PARD3B: variants seen among roughly 807,000 people sequenced by gnomAD.
The protein encoded by PARD3B is par-3 family cell polarity regulator beta.
A neutral mutation model predicts 130.2 loss-of-function variants in PARD3B; 103 were observed. That is an observed-to-expected ratio of 0.79 (90% confidence interval 0.67 to 0.93). PARD3B has a LOEUF of 0.93. Ranked by LOEUF, PARD3B falls within the 40% of genes least tolerant of loss-of-function variation. The probability of loss-of-function intolerance (pLI) is 0.00; values close to 1 mark genes in which losing one functional copy is unlikely to be tolerated. For synonymous variants in PARD3B, 583 were observed against 553.2 expected, an observed-to-expected ratio of 1.05 and a Z score of -0.76; for missense variants, 1,609 against 1,499.2, an observed-to-expected ratio of 1.07 and a Z score of -1.21.
intron 1 of PARD3B, among the ~76,000 whole-genome samples, chr2:204,653,008 A>G (rs1027345670): frequency 6.6e-6 from 1 of 150,992 alleles, no homozygotes; most frequent in African/African-American, 2.5e-5. Context: ...CTCCCGACAC[A>G]TGGGGATTAC....
chr2:204,712,506 C>T (rs759683084), intron 2 of PARD3B, among the ~76,000 whole-genome samples: 13 of 149,920 alleles, frequency 8.7e-5, no homozygotes, highest in African/African-American at 1.7e-4. Context: ...CCCAGCTACT[C>T]GGGTAGCTGA....
chr2:205,217,753 TATATGTGTGTAG>T (rs1167955337), intron 15 of PARD3B, among the ~76,000 whole-genome samples: 7 of 150,098 alleles, frequency 4.7e-5, no homozygotes, highest in Admixed American at 1.3e-4. Context: ...TATGTGTGTA[TATATGTGTGTAG>T]ATAAGTATAT....
At position 204,965,820 on chromosome 2, in the gene PARD3B, G is replaced by C. The variant is rs1691192016; in HGVS notation, c.394+497G>C. ...ACAAGACAATTCATCCAGTAATTTT[G>C]CTTAGAAATATTTTTCATTATATTT... On this transcript the variant is annotated intron_variant, in intron 3 of 22. Coordinates refer to ENST00000406610, the MANE Select transcript of PARD3B (RefSeq NM_001302769.2). Among the ~76,000 whole-genome samples, 8 of 152,026 alleles carry C rather than the reference G, an allele frequency of 5.3e-5. No individual in the cohort carries two copies. The South Asian group carries it at 1.7e-3, about 32-fold the overall frequency.
intron 16 of PARD3B, among the ~76,000 whole-genome samples, chr2:205,250,627 T>C (rs1361739343): frequency 6.6e-6 from 1 of 152,112 alleles, no homozygotes; most frequent in Non-Finnish European, 1.5e-5. Context: ...GAAGCTCAGG[T>C]AATTTAAATA....
chr2:205,153,304 C>T (rs1246105973), intron 10 of PARD3B, among the ~76,000 whole-genome samples: 1 of 152,174 alleles, frequency 6.6e-6, no homozygotes, highest in Non-Finnish European at 1.5e-5. Flanking sequence ...AACCACTGCT[C>T]TCTTCATAGC....
Position 205,187,114 on chromosome 2 carries a change from A to AG in PARD3B, c.2024+1253dup, listed in dbSNP as rs1443704396. ...ATAGATAAAATGCTCTGAGCATCTG[A>AG]GGCAGAGGAGAATGCCTCCAGATAA... is the stretch of plus-strand genomic sequence containing the variant. On this transcript the variant is annotated intron_variant, in intron 14 of 22. Transcript: ENST00000406610. This position sits in a 1 kb window ranked among gnomAD's most constrained non-coding sequence, Gnocchi z 4.9. Among the ~76,000 whole-genome samples the AG allele has an allele frequency of 6.6e-6, 1 of 152,198 alleles. No homozygotes were observed. Among genetic ancestry groups the AG allele is most frequent in the African/African-American group, 2.4e-5 (1 of 41,452 alleles).
chr2:205,246,893 C>A (rs1157164606), intron 16 of PARD3B, among the ~76,000 whole-genome samples: 1 of 152,062 alleles, frequency 6.6e-6, no homozygotes, highest in Non-Finnish European at 1.5e-5. Context: ...AAAGAGATTT[C>A]TATGGGAGTG....
intron 11 of PARD3B, among the ~76,000 whole-genome samples, chr2:205,168,216 G>A (rs1432046193): frequency 2.0e-5 from 3 of 151,330 alleles, no homozygotes; most frequent in African/African-American, 7.3e-5. Context: ...GCCAGAAGCG[G>A]GGAACATAAT....
chr2:204,736,627 T>G (rs543686763), intron 2 of PARD3B, among the ~76,000 whole-genome samples: 1 of 152,326 alleles, frequency 6.6e-6, no homozygotes, highest in South Asian at 2.1e-4. Context: ...TTTTAATAGC[T>G]GAGTAGTATT....
At chr2:204,759,978 G>T (rs796500998) in intron 2 of PARD3B, among the ~76,000 whole-genome samples, 1 of 152,080 alleles carries the variant, frequency 6.6e-6, no homozygotes, top group Non-Finnish European at 1.5e-5. Flanking sequence ...TTACTGAATT[G>T]TAGGACATAA....
chr2:204,966,149 CTTAAAATG>C (rs1033797577), intron 3 of PARD3B, among the ~76,000 whole-genome samples: 3 of 152,132 alleles, frequency 2.0e-5, no homozygotes, highest in African/African-American at 7.2e-5. Flanking sequence ...AAAACATATG[CTTAAAATG>C]GTTAGAATCG....
At chr2:205,466,970 A>C (rs963015776) in intron 20 of PARD3B, among the ~76,000 whole-genome samples, 4 of 152,184 alleles carry the variant, frequency 2.6e-5, no homozygotes, top group East Asian at 1.9e-4. Context: ...ACCTTGGCCT[A>C]CCAAAGTGCT....
At chr2:204,747,264 G>T (rs1178319714) in intron 2 of PARD3B, among the ~76,000 whole-genome samples, 1 of 152,000 alleles carries the variant, frequency 6.6e-6, no homozygotes, top group Non-Finnish European at 1.5e-5. Context: ...TTTTTGTCAG[G>T]TTTGTCAAAG....
chr2:205,052,792 A>T (rs1699318796), intron 4 of PARD3B, among the ~76,000 whole-genome samples: 1 of 152,122 alleles, frequency 6.6e-6, no homozygotes, highest in Non-Finnish European at 1.5e-5. Flanking sequence ...GACACATAAT[A>T]TGTAAGTTCA....
At chr2:205,283,968 A>G (rs913536227) in intron 16 of PARD3B, among the ~76,000 whole-genome samples, 4 of 152,150 alleles carry the variant, frequency 2.6e-5, no homozygotes, top group Admixed American at 2.6e-4. Flanking sequence ...AGTTACTCAG[A>G]TTTCTAGAAA....
intron 2 of PARD3B, among the ~76,000 whole-genome samples, chr2:204,876,495 A>C (rs2125658747): frequency 6.6e-6 from 1 of 152,364 alleles, no homozygotes; most frequent in Non-Finnish European, 1.5e-5. Context: ...TAGAAGTGAC[A>C]GACACCCCAT....
chr2:204,606,206 G>A lies in PARD3B; in HGVS notation c.120+60087G>A, dbSNP rs1011732598. Among the ~76,000 whole-genome samples, 1 of 152,184 alleles carries A rather than the reference G, an allele frequency of 6.6e-6. No homozygotes were observed. Among genetic ancestry groups the A allele is most frequent in the Admixed American group, 6.6e-5 (1 of 15,258 alleles). ...TGTCTTTGAGTTTGCCACACATGTGGCATAGTGCAGCGCCTTATGTATTGG... is the reference window on the plus strand; with the variant it reads ...TGTCTTTGAGTTTGCCACACATGTGACATAGTGCAGCGCCTTATGTATTGG... On this transcript the variant is annotated intron_variant, in intron 1 of 22. Transcript: ENST00000406610. This position sits in a 1 kb window ranked among gnomAD's most constrained non-coding sequence, Gnocchi z 4.0.
chr2:204,858,961 A>G (rs1403509166), intron 2 of PARD3B, among the ~76,000 whole-genome samples: 1 of 151,712 alleles, frequency 6.6e-6, no homozygotes, highest in East Asian at 1.9e-4. Flanking sequence ...TGTTTCCAAT[A>G]TTCACCTGGG....
chr2:205,059,888 C>T (rs1699963825), intron 4 of PARD3B, among the ~76,000 whole-genome samples: 1 of 152,086 alleles, frequency 6.6e-6, no homozygotes, highest in Admixed American at 6.6e-5. Context: ...ATTCCAAGTT[C>T]ATGTCAGTCG....
Sources: gnomAD v4.1 joint callset for allele counts (sites outside exome capture counted in the v4.1 genomes callset) on GRCh38, gnomAD v4.1.1 for gene constraint, Gnocchi (gnomAD v3.1) non-coding constraint, MANE v1.5 for transcripts, NCBI Gene and HGNC (gene_info 2026-07-23, HGNC 2026-07-21) for gene names.